MAST2: variants seen among roughly 807,000 people sequenced by gnomAD.
MAST2 encodes microtubule associated serine/threonine kinase 2, also known as microtubule-associated serine/threonine-protein kinase 2.
A neutral mutation model predicts 147.4 loss-of-function variants in MAST2; 70 were observed. That is an observed-to-expected ratio of 0.47 (90% CI 0.39 to 0.58). The LOEUF (loss-of-function observed/expected upper bound fraction) is 0.58. MAST2 is among the 20% of genes least tolerant of loss of function. The probability of loss-of-function intolerance (pLI) is 0.00; values close to 1 mark genes in which losing one functional copy is unlikely to be tolerated. For synonymous variants in MAST2, 869 were observed against 896.8 expected (o/e 0.97, Z 0.55); for missense variants, 2,080 against 2,302.3 (o/e 0.90, Z 1.98).
intron 5 of MAST2, among the ~76,000 whole-genome samples, chr1:45,995,061 C>T (rs886146961): frequency 2.6e-5 from 4 of 151,940 alleles, no homozygotes; most frequent in South Asian, 2.1e-4. Context: ...AGGATGGTCT[C>T]GATCTCCTGG....
In MAST2 at chr1:46,019,586, T is replaced by G. The variant is rs546312288; in HGVS notation, c.1189-10T>G. On this transcript the variant is annotated splice_polypyrimidine_tract_variant and intron_variant, in intron 10 of 28. Transcript: ENST00000361297. Reference sequence around the variant, plus strand: ...GCCAATAGATTAAGCAACGCTTCTTTTCTCTATAGGCTCATGAGCGCTCAG... The same window carrying G: ...GCCAATAGATTAAGCAACGCTTCTTGTCTCTATAGGCTCATGAGCGCTCAG... 7.9e-5 allele frequency: 127 copies of G among 1,612,354 alleles called. 2 individuals carry two copies. In the South Asian group the frequency reaches 1.3e-3, roughly 16 times the overall value.
chr1:45,843,596 T>G (rs1448810065), intron 3 of MAST2, among the ~76,000 whole-genome samples: 3 of 151,810 alleles, frequency 2.0e-5, no homozygotes, highest in African/African-American at 7.3e-5. Context: ...TGGGAGAGAG[T>G]AAAGAGAAAT....
At chr1:45,832,650 T>C (rs1644994394) in intron 3 of MAST2, among the ~76,000 whole-genome samples, 1 of 152,222 alleles carries the variant, frequency 6.6e-6, no homozygotes, top group Non-Finnish European at 1.5e-5. Flanking sequence ...TGAGAACTAC[T>C]GCCACCATGA....
chr1:45,989,778 A>G (rs1644790713), intron 5 of MAST2, among the ~76,000 whole-genome samples: 1 of 152,046 alleles, frequency 6.6e-6, no homozygotes, highest in African/African-American at 2.4e-5. Flanking sequence ...TGATTGTTTT[A>G]CTGTCTCCAT....
intron 17 of MAST2, among the ~76,000 whole-genome samples, chr1:46,028,515 A>G (rs1356941936): frequency 6.6e-6 from 1 of 152,222 alleles, no homozygotes; most frequent in Non-Finnish European, 1.5e-5. Flanking sequence ...ATCACATGCC[A>G]GAGGTGGGTG....
At chr1:46,013,059 T>C (rs747837622) in intron 10 of MAST2, among the ~76,000 whole-genome samples, 2 of 151,956 alleles carry the variant, frequency 1.3e-5, no homozygotes, top group Non-Finnish European at 2.9e-5. Flanking sequence ...ATGTGACAAA[T>C]TGAAAAATGA....
chr1:45,865,308 T>C (rs948412778), intron 3 of MAST2, among the ~76,000 whole-genome samples: 1 of 152,220 alleles, frequency 6.6e-6, no homozygotes, highest in African/African-American at 2.4e-5. Context: ...AGAGAACTTA[T>C]CTAAAATCTT....
At chr1:45,812,980 T>C (rs1644347956) in intron 1 of MAST2, among the ~76,000 whole-genome samples, 2 of 152,136 alleles carry the variant, frequency 1.3e-5, no homozygotes, top group Admixed American at 6.6e-5. Flanking sequence ...TGTCCCTCAA[T>C]ATCTCTCGGG....
At chr1:45,970,940 A>G (rs1320153859) in intron 5 of MAST2, among the ~76,000 whole-genome samples, 2 of 151,884 alleles carry the variant, frequency 1.3e-5, no homozygotes, top group African/African-American at 4.8e-5. Flanking sequence ...ATTTCATTGT[A>G]TAACTGTACC....
intron 4 of MAST2, among the ~76,000 whole-genome samples, chr1:45,910,397 TAAAAA>T (rs1651494895): frequency 6.6e-6 from 1 of 152,200 alleles, no homozygotes; most frequent in Admixed American, 6.5e-5. Flanking sequence ...TAAGCTGAAT[TAAAAA>T]TTTTTGTAAG....
At chr1:46,024,604 T>C (rs1456040815) in intron 15 of MAST2, among the ~76,000 whole-genome samples, 1 of 152,200 alleles carries the variant, frequency 6.6e-6, no homozygotes, top group East Asian at 1.9e-4. Context: ...AGTGTTACTT[T>C]ACTCAGAAAC....
At chr1:45,938,833 TTAGCCATTTGTATATC>T (rs1201756370) in intron 4 of MAST2, among the ~76,000 whole-genome samples, 1 of 152,242 alleles carries the variant, frequency 6.6e-6, no homozygotes, top group Non-Finnish European at 1.5e-5. Context: ...TATCTCATTG[TTAGCCATTTGTATATC>T]TTTTTTGGTG....
intron 4 of MAST2, among the ~76,000 whole-genome samples, chr1:45,936,284 C>A (rs924883925): frequency 1.3e-5 from 2 of 152,056 alleles, no homozygotes; most frequent in African/African-American, 4.8e-5. Flanking sequence ...GATCTAGGAA[C>A]CTTTGGGCAG....
At chr1:45,845,134 T>C (rs1266615220) in intron 3 of MAST2, among the ~76,000 whole-genome samples, 2 of 152,138 alleles carry the variant, frequency 1.3e-5, no homozygotes, top group Non-Finnish European at 1.5e-5. Context: ...ACCATAGCAG[T>C]TGAGGTTACA....
Position 46,010,790 on chromosome 1 carries a change from G to T in MAST2, c.1039G>T (p.Val347Leu). 6.2e-7 allele frequency: 1 copy of T among 1,614,214 alleles called. No individual in the cohort carries two copies. The highest frequency in any genetic ancestry group is 2.2e-5 in the East Asian group (1 of 44,894). Residue 347 changes from valine to leucine, a missense_variant, in exon 10 of 29, where the codon GTG (valine) becomes TTG (leucine). Around this residue, in one of 4 missense-constraint regions of MAST2, gnomAD observed 569 missense variants for 642.5 expected, o/e 0.89. Transcript: ENST00000361297. The part of the protein sequence containing the change: ...EFISSNTPDS[V>L]LPLADGALSF... The stretch of plus-strand genomic sequence containing the variant: ...TATTTCCTCCAACACTCCAGACAGC[G>T]TGCTGCCCTTGGCAGATGGAGCCCT...
At chr1:45,834,001 T>A (rs555468464) in intron 3 of MAST2, among the ~76,000 whole-genome samples, 2 of 152,248 alleles carry the variant, frequency 1.3e-5, no homozygotes, top group African/African-American at 4.8e-5. Flanking sequence ...TGGTATTAAA[T>A]ACCTATTTCT....
intron 1 of MAST2, among the ~76,000 whole-genome samples, chr1:45,812,391 G>GGAT (rs1013091334): frequency 1.5e-4 from 23 of 150,862 alleles, no homozygotes; most frequent in Non-Finnish European, 2.8e-4. Context: ...TCATTGTTCT[G>GGAT]GATGTCTCTT....
chr1:45,825,696 G>A (rs1023645866), intron 2 of MAST2, among the ~76,000 whole-genome samples: 4 of 151,644 alleles, frequency 2.6e-5, no homozygotes, highest in Admixed American at 2.0e-4. Context: ...GCCTCCCAAA[G>A]TGCTGGGATT....
chr1:45,959,258 G>A lies in MAST2; in HGVS notation c.501-128G>A. 3 of 625,450 alleles carry A rather than the reference G, an allele frequency of 4.8e-6. No homozygotes were observed. The Middle Eastern group carries it at 7.9e-4, about 166-fold the overall frequency. The allele number at this position is 625,450 out of a possible 1,614,324, so 38.7% of individuals were successfully genotyped here. On this transcript the variant is annotated intron_variant, in intron 4 of 28. Coordinates refer to ENST00000361297, the MANE Select transcript of MAST2 (RefSeq NM_015112.3). ...GGTGCCGAGTGTAATTGCTGACCCA[G>A]TTCAGTTTAAAGAAGTATACTGTGC...
Sources: gnomAD v4.1 joint callset for allele counts (sites outside exome capture counted in the v4.1 genomes callset) on GRCh38, gnomAD v4.1.1 for gene constraint, gnomAD v4.1.1 regional missense constraint, MANE v1.5 for transcripts, NCBI Gene and HGNC (gene_info 2026-07-23, HGNC 2026-07-21) for gene names.